Variants in TG observed in about 807,000 individuals in gnomAD.
The protein encoded by TG is thyroid hormones.
A neutral mutation model predicts 324.7 loss-of-function variants in TG; 270 were observed. That is an observed-to-expected ratio of 0.83 (90% CI 0.75 to 0.92). The LOEUF is 0.92. TG is among the 40% of genes least tolerant of loss of function. The pLI, the probability that TG is intolerant of heterozygous loss-of-function variation, is 0.00. For missense variants in TG, 3,591 were observed against 3,456.4 expected, an observed-to-expected ratio of 1.04 and a Z score of -0.98; for synonymous variants, 1,401 against 1,327.0, an observed-to-expected ratio of 1.06 and a Z score of -1.21.
rs1057443548 is a variant in TG, at chr8:132,873,359, T to C, written c.638+138T>C. ...GCTGCCTCATTCTCATGAGCTGTCCTGGGCATCTAAAGTGCCACGGCGTTT... is the reference window on the plus strand; with the variant it reads ...GCTGCCTCATTCTCATGAGCTGTCCCGGGCATCTAAAGTGCCACGGCGTTT... On this transcript the variant is annotated intron_variant, in intron 5 of 47. Coordinates refer to ENST00000220616, the MANE Select transcript of TG (RefSeq NM_003235.5). 4.1e-6 allele frequency: 5 copies of C among 1,228,714 alleles called. No individual in the cohort carries two copies. In the South Asian group the frequency reaches 6.7e-5, roughly 16 times the overall value. 76.1% of individuals were successfully genotyped at this position (1,228,714 alleles called of 1,614,324 possible).
intron 34 of TG, among the ~76,000 whole-genome samples, chr8:132,973,237 A>G (rs1020115442): frequency 5.3e-5 from 8 of 152,152 alleles, no homozygotes; most frequent in African/African-American, 1.9e-4. Context: ...AAATCAATAG[A>G]TATAGACTCT....
At chr8:133,096,037 C>T (rs959663288) in intron 42 of TG, among the ~76,000 whole-genome samples, 169 bp from the exon 43 acceptor site, 1 of 152,186 alleles carries the variant, frequency 6.6e-6, no homozygotes, top group African/African-American at 2.4e-5. Context: ...CCCTCCAGCC[C>T]CTGACTTTGT....
intron 41 of TG, among the ~76,000 whole-genome samples, chr8:133,092,350 C>G (rs1458908774): frequency 6.6e-6 from 1 of 152,214 alleles, no homozygotes; most frequent in African/African-American, 2.4e-5. Flanking sequence ...TTGACCTGAA[C>G]TATTTTTAAA....
chr8:133,076,634 T>C (rs938242960), intron 41 of TG: 1 of 152,080 alleles, frequency 6.6e-6, no homozygotes, highest in Non-Finnish European at 1.5e-5. Flanking sequence ...AGTTTTGTGA[T>C]GACTTTTTAA....
chr8:133,047,856 A>G (rs1839740508), intron 41 of TG: 1 of 1,609,478 alleles, frequency 6.2e-7, no homozygotes, highest in Non-Finnish European at 8.5e-7. Context: ...CTCTCTGATC[A>G]TGAAGGAGCC....
rs780033161 is a variant in TG, at chr8:133,017,993, C to T, written c.6778C>T (p.Pro2260Ser). 2.4e-5 allele frequency: 38 copies of T among 1,613,942 alleles called. No individual in the cohort carries two copies. The highest frequency in any genetic ancestry group is 3.2e-5 in the Non-Finnish European group (38 of 1,179,976). The change falls in exon 38 of 48, where the codon CCA becomes TCA. Residue 2260 changes from proline to serine, a missense_variant. Transcript: ENST00000220616. ...GACAGGCTCCTGGGATGCCAGCAAG[C>T]CAAGGTATGGGTTGAGTGGAGCACA... ...NWTGSWDASK[P>S]RASCWQPGTR...
At chr8:132,886,340 C>T in intron 8 of TG, 108 bp from the exon 9 acceptor site, 1 of 1,473,846 alleles carries the variant, frequency 6.8e-7, no homozygotes, top group Non-Finnish European at 9.4e-7. Flanking sequence ...ACGTAGGTGT[C>T]CTTGATTGAA....
In TG at chr8:133,095,068, G is replaced by T. The variant is rs73354644; in HGVS notation, c.7264G>T (p.Ala2422Ser). The T allele has an allele frequency of 7.4e-6, 12 of 1,613,896 alleles. No homozygotes were observed. The highest frequency in any genetic ancestry group is 8.5e-6 in the Non-Finnish European group (10 of 1,180,006). Residue 2422 changes from alanine (A) to serine (S), a missense_variant, in exon 42 of 48, where the codon GCC becomes TCC. Physicochemically the swap from Ala to Ser is moderately conservative, Grantham distance 99. Coordinates refer to ENST00000220616, the MANE Select transcript of TG (RefSeq NM_003235.5). Reference sequence around the variant, plus strand: ...GGGAGGCTCCGCACTCTCCCCGGCCGCCGTCATCAGCCATGAGAGGGCTCA... The same window carrying T: ...GGGAGGCTCCGCACTCTCCCCGGCCTCCGTCATCAGCCATGAGAGGGCTCA... Reference protein sequence around the residue: ...LMGGSALSPAAVISHERAQQQ... With the variant: ...LMGGSALSPASVISHERAQQQ...
At chr8:132,980,284 AGAG>A (rs1830663354) in intron 34 of TG, among the ~76,000 whole-genome samples, 1 of 152,104 alleles carries the variant, frequency 6.6e-6, no homozygotes, top group South Asian at 2.1e-4. Flanking sequence ...TCCAAGAAGA[AGAG>A]AACAGCTGGA....
intron 5 of TG, among the ~76,000 whole-genome samples, chr8:132,873,508 T>C (rs1839692542): frequency 6.6e-6 from 1 of 152,212 alleles, no homozygotes; most frequent in African/African-American, 2.4e-5. Flanking sequence ...CATTTTTCAT[T>C]GTAGCAGGAA....
At chr8:133,071,546 A>G (rs909778847) in intron 41 of TG, among the ~76,000 whole-genome samples, 3 of 152,018 alleles carry the variant, frequency 2.0e-5, no homozygotes, top group African/African-American at 7.3e-5. Context: ...GTGCAATGAG[A>G]GGTGGGTCCA....
intron 14 of TG, among the ~76,000 whole-genome samples, chr8:132,899,734 G>T (rs1341221743): frequency 6.6e-6 from 1 of 152,200 alleles, no homozygotes; most frequent in Non-Finnish European, 1.5e-5. Context: ...CAGAGAGAAG[G>T]AGAGGTAGAA....
chr8:133,098,522 T>A (rs990057992), intron 43 of TG, among the ~76,000 whole-genome samples: 4 of 152,222 alleles, frequency 2.6e-5, no homozygotes, highest in Non-Finnish European at 5.9e-5. Context: ...CTACAGGGGA[T>A]GCAAAATCTC....
intron 41 of TG, among the ~76,000 whole-genome samples, chr8:133,068,369 G>A (rs1434807489): frequency 2.6e-5 from 4 of 152,220 alleles, no homozygotes; most frequent in Non-Finnish European, 5.9e-5. Flanking sequence ...CAGAGAGGCT[G>A]GGCTTTATGC....
rs142178395 is a variant in TG, at chr8:133,021,662, C to T, written c.6877-329C>T. Among the ~76,000 whole-genome samples the T allele has an allele frequency of 8.1e-3, 1,235 of 152,292 alleles. 17 individuals carry two copies. The highest frequency in any genetic ancestry group is 0.026 in the African/African-American group (1,080 of 41,558). Reference sequence around the variant, plus strand: ...CTCCTCTCCTTGGCTTGTAGATGTTCCTTTTCTCTTCCTTGTGTCTTTATG... The same window carrying T: ...CTCCTCTCCTTGGCTTGTAGATGTTTCTTTTCTCTTCCTTGTGTCTTTATG... On this transcript the variant is annotated intron_variant, in intron 39 of 47. Coordinates refer to ENST00000220616, the MANE Select transcript of TG (RefSeq NM_003235.5).
intron 35 of TG, among the ~76,000 whole-genome samples, chr8:133,006,494 T>C (rs1170624736): frequency 6.6e-6 from 1 of 152,244 alleles, no homozygotes; most frequent in Non-Finnish European, 1.5e-5. Flanking sequence ...TTTGGCTTCT[T>C]AGACTGTTTT....
intron 41 of TG, among the ~76,000 whole-genome samples, chr8:133,057,814 T>C (rs1463790323): frequency 1.3e-5 from 2 of 151,636 alleles, no homozygotes; most frequent in African/African-American, 4.8e-5. Context: ...TAAAGCCATG[T>C]TCCAAGGCAT....
At chr8:132,940,219 G>T (rs1288052892) in intron 25 of TG, among the ~76,000 whole-genome samples, 1 of 152,204 alleles carries the variant, frequency 6.6e-6, no homozygotes, top group Non-Finnish European at 1.5e-5. Context: ...CGGGAGGTCA[G>T]AGTGGTGAAG....
intron 35 of TG, chr8:132,988,730 AG>A: frequency 2.0e-6 from 2 of 985,464 alleles, no homozygotes; most frequent in Non-Finnish European, 2.4e-6. Context: ...CAAGCCAGCA[AG>A]GCTGCTGCAG....
Sources: gnomAD v4.1 joint callset for allele counts (sites outside exome capture counted in the v4.1 genomes callset) on GRCh38, gnomAD v4.1.1 for gene constraint, MANE v1.5 for transcripts, NCBI Gene and HGNC (gene_info 2026-07-23, HGNC 2026-07-21) for gene names.